Variants in DOCK7 observed in about 807,000 individuals in gnomAD.
DOCK7 encodes dedicator of cytokinesis 7.
DOCK7 carries 138 observed loss-of-function variants against 271.0 expected under a neutral mutation model. The observed-to-expected ratio is 0.51, with a 90% confidence interval of 0.44 to 0.59. DOCK7 has a LOEUF of 0.59. DOCK7 is among the 20% of genes least tolerant of loss of function. The probability of loss-of-function intolerance (pLI) is 0.00; values close to 1 mark genes in which losing one functional copy is unlikely to be tolerated. For missense variants in DOCK7, 2,066 were observed against 2,592.4 expected (o/e 0.80, Z 4.41); for synonymous variants, 823 against 876.1 (o/e 0.94, Z 1.07).
chr1:62,507,357 T>C (rs970439392), intron 35 of DOCK7, among the ~76,000 whole-genome samples: 4 of 152,258 alleles, frequency 2.6e-5, no homozygotes, highest in Non-Finnish European at 5.9e-5. Context: ...TGGGCAGTTA[T>C]TTAACATCTT....
intron 12 of DOCK7, among the ~76,000 whole-genome samples, chr1:62,624,809 C>T (rs549204285): frequency 6.6e-5 from 10 of 152,090 alleles, no homozygotes; most frequent in African/African-American, 2.2e-4. Flanking sequence ...CCTGTCTCTA[C>T]TAAAAAATAC....
rs1413622786 is a variant in DOCK7, at chr1:62,528,304, T to C, written c.3783A>G (p.Glu1261=). Residue 1261 remains glutamate (E), a splice_region_variant and synonymous_variant, in exon 31 of 50, where the codon GAA becomes GAG. Transcript: ENST00000635253. ...ETVPQLYDFT[E]THNQRGRPIC... ...TTGGTCTTCCTCGTTGATTGTGAGT[T>C]TCTAAAGAAAAATAATCCAAAAAAA... 9.3e-6 allele frequency: 15 copies of C among 1,607,474 alleles called. No homozygotes were observed. Among genetic ancestry groups the C allele is most frequent in the Non-Finnish European group, 1.2e-5 (14 of 1,177,160 alleles).
At chr1:62,518,887 G>A (rs574868628) in intron 31 of DOCK7, among the ~76,000 whole-genome samples, 2 of 151,834 alleles carry the variant, frequency 1.3e-5, no homozygotes, top group Admixed American at 1.3e-4. Context: ...TAGTGAAAGA[G>A]AGAGATTAAC....
At chr1:62,603,533 T>G (rs574639651) in intron 14 of DOCK7, among the ~76,000 whole-genome samples, 1 of 151,932 alleles carries the variant, frequency 6.6e-6, no homozygotes, top group East Asian at 1.9e-4. Flanking sequence ...AGGTTTACAT[T>G]TGAAGAAAGT....
At chr1:62,551,930 A>T (rs1645920657) in intron 22 of DOCK7, among the ~76,000 whole-genome samples, 1 of 151,936 alleles carries the variant, frequency 6.6e-6, no homozygotes, top group South Asian at 2.1e-4. Flanking sequence ...CAAACCTAAA[A>T]GAAATAAATA....
intron 18 of DOCK7, among the ~76,000 whole-genome samples, chr1:62,570,545 T>C (rs1013693017): frequency 6.6e-6 from 1 of 152,002 alleles, no homozygotes; most frequent in Admixed American, 6.6e-5. Context: ...AGAACTATTT[T>C]AAAAAGCTAT....
intron 21 of DOCK7, 131 bp from the exon 22 acceptor site, chr1:62,553,032 CTTTTTTTTTTTT>C (rs66892340): frequency 6.0e-6 from 1 of 166,010 alleles, no homozygotes; most frequent in Non-Finnish European, 9.1e-6. Flanking sequence ...AAAAAATATA[CTTTTTTTTTTTT>C]TTTTTTTTTG....
intron 14 of DOCK7, among the ~76,000 whole-genome samples, chr1:62,591,491 A>G (rs959586720): frequency 2.0e-5 from 3 of 152,160 alleles, no homozygotes; most frequent in Admixed American, 6.5e-5. Context: ...CCCAAACCTA[A>G]AAGTTTAAAA....
intron 12 of DOCK7, among the ~76,000 whole-genome samples, chr1:62,622,781 T>G (rs1653438363): frequency 6.6e-6 from 1 of 151,878 alleles, no homozygotes; most frequent in South Asian, 2.1e-4. Flanking sequence ...ATACAAAAAA[T>G]TAGCCAGGCA....
chr1:62,688,184 T>C, intron 1 of DOCK7, 43 bp downstream of exon 1: 1 of 1,351,998 alleles, frequency 7.4e-7, no homozygotes, highest in Non-Finnish European at 9.6e-7. Context: ...CCGCGGCTCT[T>C]TCTCGGGCGG....
chr1:62,468,940 A>G (rs1428307209), intron 48 of DOCK7, among the ~76,000 whole-genome samples: 4 of 152,232 alleles, frequency 2.6e-5, no homozygotes, highest in Admixed American at 6.5e-5. Context: ...ACAAATGGAA[A>G]CACATCCCAT....
At chr1:62,473,925 T>C in intron 48 of DOCK7, 57 bp downstream of exon 48, 10 of 1,424,432 alleles carry the variant, frequency 7.0e-6, no homozygotes, top group Non-Finnish European at 6.9e-6. Flanking sequence ...CCTTATGTCA[T>C]ACTGTGGTAT....
intron 5 of DOCK7, 21 bp from the exon 6 acceptor site, chr1:62,648,339 T>C (rs1243519546): frequency 6.8e-7 from 1 of 1,468,570 alleles, no homozygotes; most frequent in Non-Finnish European, 9.0e-7. Flanking sequence ...AAACATTAAA[T>C]ATAAATATAT....
chr1:62,584,698 AAGATAT>A (rs1372780113), intron 15 of DOCK7: 1 of 1,244,214 alleles, frequency 8.0e-7, no homozygotes, highest in Non-Finnish European at 1.1e-6. Context: ...GACAGGAGTC[AAGATAT>A]AGACATGAGT....
intron 7 of DOCK7, among the ~76,000 whole-genome samples, chr1:62,638,139 T>G (rs1412768800): frequency 6.6e-6 from 1 of 152,174 alleles, no homozygotes; most frequent in South Asian, 2.1e-4. Flanking sequence ...ATATTTTCGG[T>G]TGGCCCATTT....
chr1:62,663,213 A>G, intron 1 of DOCK7, 83 bp from the exon 2 acceptor site: 2 of 1,036,272 alleles, frequency 1.9e-6, no homozygotes, highest in South Asian at 1.4e-5. Context: ...AGCTAAATAC[A>G]TTAAAGATTC....
At chr1:62,504,868 T>A in intron 36 of DOCK7, 86 bp from the exon 37 acceptor site, 2 of 1,441,402 alleles carry the variant, frequency 1.4e-6, no homozygotes, top group Non-Finnish European at 9.3e-7. Context: ...TGGAGACTTG[T>A]TAGTATAGCC....
intron 29 of DOCK7, among the ~76,000 whole-genome samples, chr1:62,532,817 C>T (rs1645218764): frequency 6.6e-6 from 1 of 152,104 alleles, no homozygotes; most frequent in Admixed American, 6.6e-5. Flanking sequence ...GAGCTTGGTG[C>T]ATTAGAGAAA....
intron 31 of DOCK7, 21 bp from the exon 32 acceptor site, chr1:62,513,919 A>G: frequency 6.3e-7 from 1 of 1,594,342 alleles, no homozygotes; most frequent in Non-Finnish European, 8.5e-7. Flanking sequence ...AGAGCAGTAG[A>G]ATGAGACAGA....
Sources: gnomAD v4.1 joint callset for allele counts (sites outside exome capture counted in the v4.1 genomes callset) on GRCh38, gnomAD v4.1.1 for gene constraint, MANE v1.5 for transcripts, NCBI Gene and HGNC (gene_info 2026-07-23, HGNC 2026-07-21) for gene names.